TBC1D25: variants seen among roughly 807,000 people sequenced by gnomAD.
TBC1D25 encodes 5SN3 snoRNA.
In TBC1D25, 13 loss-of-function variants were observed where a neutral mutation model predicts 38.8. The observed-to-expected ratio is 0.34, with a 90% CI of 0.22 to 0.53. TBC1D25 has a LOEUF of 0.53. TBC1D25 is among the 20% of genes least tolerant of loss of function. The pLI, the probability that TBC1D25 is intolerant of heterozygous loss-of-function variation, is 0.94. For missense variants in TBC1D25, 372 were observed against 600.0 expected, an observed-to-expected ratio of 0.62 and a Z score of 3.97; for synonymous variants, 225 against 255.6, an observed-to-expected ratio of 0.88 and a Z score of 1.14.
chrX:48,545,977 A>G (rs1289060454), intron 3 of TBC1D25, among the ~76,000 whole-genome samples: 2 of 110,972 alleles, frequency 1.8e-5, no homozygotes, highest in Non-Finnish European at 3.8e-5. Flanking sequence ...TGGGAGGCTG[A>G]GGCAGGCGGA....
intron 1 of TBC1D25, 88 bp downstream of exon 1, chrX:48,540,008 G>A (rs2061825778): frequency 2.2e-6 from 2 of 930,121 alleles, no homozygotes; most frequent in Admixed American, 5.9e-5. Flanking sequence ...GGCGGGACCT[G>A]AGATTTCGGA....
intron 2 of TBC1D25, 62 bp from the exon 3 acceptor site, chrX:48,544,807 A>C (rs1602102888): frequency 8.5e-7 from 1 of 1,173,595 alleles, no homozygotes; most frequent in South Asian, 1.9e-5. Flanking sequence ...TGTTTTGGAA[A>C]CTGTCCCTGA....
Position 48,560,749 on chromosome X carries a change from G to A in TBC1D25, c.1841G>A (p.Gly614Glu). 2 of 1,211,568 alleles carry A rather than the reference G, an allele frequency of 1.7e-6. No individual in the cohort carries two copies. Among genetic ancestry groups the A allele is most frequent in the Non-Finnish European group, 2.2e-6 (2 of 895,191 alleles). ...CCCCCACCCCAGGAGTTTGGCCGGG[G>A]GAACCCATTCATGCTGTTCCTCTGC... ...GLPPPQEFGR[G>E]NPFMLFLCLA... Residue 614 changes from glycine (G) to glutamate (E), a missense_variant, in exon 6 of 6, where the codon GGG (glycine) becomes GAG (glutamate). Gly to Glu is a moderately conservative substitution (Grantham distance 98). Around this residue, in one of 2 missense-constraint regions of TBC1D25, gnomAD observed 312 missense variants for 549.3 expected, o/e 0.57. Transcript: ENST00000376771.
intron 3 of TBC1D25, among the ~76,000 whole-genome samples, chrX:48,550,661 C>CTTT (rs781811688): frequency 1.4e-5 from 1 of 74,044 alleles, no homozygotes; most frequent in Non-Finnish European, 2.7e-5. Context: ...TTTGTCTTAA[C>CTTT]TTTTTTTTTT....
At chrX:48,557,985 C>A (rs782696010) in intron 3 of TBC1D25, among the ~76,000 whole-genome samples, 1 of 109,505 alleles carries the variant, frequency 9.1e-6, no homozygotes, top group African/African-American at 3.3e-5. Flanking sequence ...GTGGCAGGCA[C>A]CTGTAATCCC....
At chrX:48,542,760 C>T (rs939108778) in intron 2 of TBC1D25, among the ~76,000 whole-genome samples, 2 of 110,579 alleles carry the variant, frequency 1.8e-5, no homozygotes, top group Non-Finnish European at 3.8e-5. Flanking sequence ...CCTCCGCACC[C>T]GGCCAATTTT....
Position 48,557,010 on chromosome X carries a change from C to T in TBC1D25, c.389-1887C>T, listed in dbSNP as rs190342665. Among the ~76,000 whole-genome samples the T allele has an allele frequency of 7.2e-4, 78 of 108,395 alleles. 1 individual carries two copies. Among genetic ancestry groups the T allele is most frequent in the African/African-American group, 2.3e-3 (68 of 29,757 alleles). The allele number at this position is 108,395 out of a possible 115,157, so 94.1% of individuals were successfully genotyped here. ...TTGGGAGGCCAAGGCAGGAGGATCT[C>T]TTGAGCCCAGGAGTTCAAGACCATA... is the stretch of plus-strand genomic sequence containing the variant. On this transcript the variant is annotated intron_variant, in intron 3 of 5. Coordinates refer to ENST00000376771, the MANE Select transcript of TBC1D25 (RefSeq NM_002536.4).
chrX:48,553,620 T>C (rs969091800), intron 3 of TBC1D25, among the ~76,000 whole-genome samples: 1 of 93,151 alleles, frequency 1.1e-5, no homozygotes, highest in Non-Finnish European at 2.1e-5. Context: ...CTTTTTCTTT[T>C]TTTTTTTTTT....
intron 3 of TBC1D25, among the ~76,000 whole-genome samples, chrX:48,547,293 C>T (rs782588051): frequency 9.0e-6 from 1 of 111,607 alleles, no homozygotes; most frequent in African/African-American, 3.3e-5. Flanking sequence ...TTAAAATTGG[C>T]AGCTTTGCAA....
chrX:48,543,737 C>A (rs561755577), intron 2 of TBC1D25, among the ~76,000 whole-genome samples: 1 of 107,438 alleles, frequency 9.3e-6, no homozygotes, highest in Non-Finnish European at 1.9e-5. Flanking sequence ...ACAAAAAATT[C>A]TCCAGGCGTG....
At chrX:48,545,375 G>C (rs961585553) in intron 3 of TBC1D25, among the ~76,000 whole-genome samples, 20 of 112,352 alleles carry the variant, frequency 1.8e-4, no homozygotes, top group Non-Finnish European at 3.4e-4. Flanking sequence ...GTAATAATTA[G>C]ATATAATGCA....
intron 2 of TBC1D25, among the ~76,000 whole-genome samples, chrX:48,544,113 G>A (rs1556981016): frequency 9.0e-6 from 1 of 111,606 alleles, no homozygotes; most frequent in Non-Finnish European, 1.9e-5. Flanking sequence ...TATTTAGGAT[G>A]TTTCCATGGT....
At chrX:48,556,696 A>G (rs1221814895) in intron 3 of TBC1D25, among the ~76,000 whole-genome samples, 1 of 99,110 alleles carries the variant, frequency 1.0e-5, no homozygotes, top group African/African-American at 3.7e-5. Flanking sequence ...GCAGTGAGCG[A>G]GGATCACACC....
chrX:48,539,736 T>A lies in TBC1D25; in HGVS notation c.-62T>A. On this transcript the variant is annotated 5_prime_UTR_variant, in exon 1 of 6. Coordinates refer to ENST00000376771, the MANE Select transcript of TBC1D25 (RefSeq NM_002536.4). ...GGTGGGGCGGCGGGCGTCAGTACAG[T>A]AGAGTGTGCGCCGGGGTGGGGGGCA... 4 of 936,425 alleles carry A rather than the reference T, an allele frequency of 4.3e-6. No individual in the cohort carries two copies. The highest frequency in any genetic ancestry group is 2.1e-5 in the African/African-American group (1 of 48,199). 77.2% of individuals were successfully genotyped at this position (936,425 alleles called of 1,213,427 possible). A position where few individuals can be genotyped will look rare whatever the true frequency, so the allele number is the denominator to read the frequency against.
At chrX:48,541,514 G>T in intron 2 of TBC1D25, 72 bp downstream of exon 2, 1 of 1,032,543 alleles carries the variant, frequency 9.7e-7, no homozygotes, top group Non-Finnish European at 1.4e-6. Context: ...CCTTTGTTTG[G>T]TAGGGTTTTT....
chrX:48,548,589 A>G (rs1315422183), intron 3 of TBC1D25, among the ~76,000 whole-genome samples: 1 of 111,864 alleles, frequency 8.9e-6, no homozygotes, highest in East Asian at 2.8e-4. Context: ...ATCTTTCATT[A>G]CCCAGTAAAT....
rs1263420514 is a variant in TBC1D25 at position 48,561,277 on chromosome X, A to C, written c.*302A>C. On this transcript the variant is annotated 3_prime_UTR_variant, in exon 6 of 6. Transcript: ENST00000376771. ...GGGTTTTGCTGTAGATGGAGTCCTCAGGGGCCCTTTACCTGATGGAGGGGA... is the reference window on the plus strand; with the variant it reads ...GGGTTTTGCTGTAGATGGAGTCCTCCGGGGCCCTTTACCTGATGGAGGGGA... 3.9e-6 allele frequency: 1 copy of C among 257,836 alleles called. No homozygotes were observed. The highest frequency in any genetic ancestry group is 2.8e-5 in the African/African-American group (1 of 35,768). 21.2% of individuals were successfully genotyped at this position (257,836 alleles called of 1,213,427 possible).
intron 2 of TBC1D25, among the ~76,000 whole-genome samples, chrX:48,544,067 C>T (rs1556981007): frequency 9.0e-6 from 1 of 111,402 alleles, no homozygotes; most frequent in Non-Finnish European, 1.9e-5. Flanking sequence ...AATACATACA[C>T]ATGGTAAGAA....
rs1401158255 is a variant in TBC1D25, at chrX:48,560,270, C to T, written c.1362C>T (p.Asp454=). The T allele has an allele frequency of 3.3e-5, 40 of 1,209,569 alleles. No homozygotes were observed. In the East Asian group the frequency reaches 1.0e-3, roughly 30 times the overall value. The change falls in exon 6 of 6, where the codon GAC becomes GAT. Residue 454 remains aspartate, a synonymous_variant. Transcript: ENST00000376771. The part of the protein sequence containing the change: ...ELVGPPSQVA[D]AGFGGHRGWP... Reference sequence around the variant, plus strand: ...TTGGACCCCCCAGCCAAGTGGCAGACGCTGGTTTTGGTGGCCACAGGGGGT... The same window carrying T: ...TTGGACCCCCCAGCCAAGTGGCAGATGCTGGTTTTGGTGGCCACAGGGGGT...
Sources: allele counts gnomAD v4.1 joint callset (sites outside exome capture counted in the v4.1 genomes callset), GRCh38; gene constraint gnomAD v4.1.1; regional missense constraint gnomAD v4.1.1; transcripts MANE v1.5; gene names NCBI Gene and HGNC (gene_info 2026-07-23, HGNC 2026-07-21).